The following NTF3 variants were observed in gnomAD, a reference collection of about 807,000 sequenced individuals.
NTF3 encodes neurotrophin 3, also known as neurotrophin-3.
NTF3 carries 8 observed loss-of-function variants against 26.3 expected under a neutral mutation model. That is an observed-to-expected ratio of 0.30 (90% CI 0.18 to 0.55). The LOEUF is 0.55. Ranked by LOEUF, NTF3 falls within the 20% of genes least tolerant of loss-of-function variation. The pLI is 0.93. For missense variants in NTF3, 276 were observed against 352.9 expected, an observed-to-expected ratio of 0.78 and a Z score of 1.75; for synonymous variants, 154 against 145.5, an observed-to-expected ratio of 1.06 and a Z score of -0.42.
In NTF3 at chr12:5,494,081, G is replaced by T. The variant is rs1940971053; in HGVS notation, c.19-113G>T. 1.1e-6 allele frequency: 1 copy of T among 939,050 alleles called. No individual in the cohort carries two copies. Among genetic ancestry groups the T allele is most frequent in the Non-Finnish European group, 1.6e-6 (1 of 625,704 alleles). The allele number at this position is 939,050 out of a possible 1,614,324, so 58.2% of individuals were successfully genotyped here. A position where few individuals can be genotyped will look rare whatever the true frequency, so the allele number is the denominator to read the frequency against. On this transcript the variant is annotated intron_variant, in intron 1 of 1. Transcript: ENST00000423158. The surrounding 1 kb of genome is among the most constrained non-coding windows in gnomAD (Gnocchi z 8.3). ...GGGAGTTGCCTTGCTTACCTGGGGG[G>T]CGGTACCCTCTCTCGTGCCCTCACA...
chr12:5,474,278 C>T (rs1195471458), intron 1 of NTF3, among the ~76,000 whole-genome samples: 1 of 152,186 alleles, frequency 6.6e-6, no homozygotes, highest in Admixed American at 6.5e-5. Flanking sequence ...TTAAGTGGAG[C>T]AGACAGGCAA....
intron 1 of NTF3, among the ~76,000 whole-genome samples, chr12:5,457,046 A>G (rs556981089): frequency 7.2e-5 from 11 of 152,342 alleles, no homozygotes; most frequent in Non-Finnish European, 1.3e-4. Flanking sequence ...GAGGAAGAAC[A>G]TAACATCTCG....
At chr12:5,478,441 T>A (rs903712652) in intron 1 of NTF3, among the ~76,000 whole-genome samples, 1 of 151,780 alleles carries the variant, frequency 6.6e-6, no homozygotes, top group Non-Finnish European at 1.5e-5. Context: ...AAAAAGAATG[T>A]CCAGACCCTT....
chr12:5,467,038 T>A (rs1281611224), intron 1 of NTF3, among the ~76,000 whole-genome samples: 1 of 151,950 alleles, frequency 6.6e-6, no homozygotes, highest in Non-Finnish European at 1.5e-5. Flanking sequence ...AAGACCAGCC[T>A]GGCCAAGATG....
rs1940100390 is a variant in NTF3 at position 5,432,216 on chromosome 12, TC to T, written c.-105del. The T allele has an allele frequency of 3.2e-6, 4 of 1,246,382 alleles. No individual in the cohort carries two copies. The highest frequency in any genetic ancestry group is 4.7e-6 in the Non-Finnish European group (4 of 848,014). The allele number at this position is 1,246,382 out of a possible 1,614,324, so 77.2% of individuals were successfully genotyped here. On this transcript the variant is annotated 5_prime_UTR_variant, in exon 1 of 2. Coordinates refer to ENST00000423158, the MANE Select transcript of NTF3 (RefSeq NM_001102654.2). ...CTCCTTTCTTTCTTCCTCTCCTTTT[TC>T]CCCTGCTGGGTAGTGGCTGCGGCGG...
At position 5,449,387 on chromosome 12, in the gene NTF3, CT is replaced by C. The variant is rs1309930117; in HGVS notation, c.18+17048del. On this transcript the variant is annotated intron_variant, in intron 1 of 1. Coordinates refer to ENST00000423158, the MANE Select transcript of NTF3 (RefSeq NM_001102654.2). Reference sequence around the variant, plus strand: ...CCTTTTTCTCTGCTTTCAGTTTGTTCTTTGAACTTTTTGGAAACTTCCCCTG... The same window carrying C: ...CCTTTTTCTCTGCTTTCAGTTTGTTCTTGAACTTTTTGGAAACTTCCCCTG... Among the ~76,000 whole-genome samples the C allele has an allele frequency of 4.6e-5, 7 of 152,166 alleles. 1 individual carries two copies. The highest frequency in any genetic ancestry group is 4.6e-4 in the Admixed American group (7 of 15,280).
At chr12:5,432,369 G>A in intron 1 of NTF3, 27 bp downstream of exon 1, 1 of 1,609,314 alleles carries the variant, frequency 6.2e-7, no homozygotes, top group Non-Finnish European at 8.5e-7. Flanking sequence ...GGCACCTTGG[G>A]TGGGCAGGTT....
At chr12:5,442,747 CAT>C (rs1940254626) in intron 1 of NTF3, among the ~76,000 whole-genome samples, 1 of 152,172 alleles carries the variant, frequency 6.6e-6, no homozygotes, top group Non-Finnish European at 1.5e-5. Flanking sequence ...CTTCAAAAAA[CAT>C]AGCACATCTG....
intron 1 of NTF3, among the ~76,000 whole-genome samples, chr12:5,476,949 G>A (rs1487874842): frequency 1.3e-5 from 2 of 152,038 alleles, no homozygotes; most frequent in Admixed American, 1.3e-4. Context: ...TAATACCTGT[G>A]GGAGCTGATA....
At chr12:5,447,411 T>A (rs1005862195) in intron 1 of NTF3, among the ~76,000 whole-genome samples, 1 of 152,246 alleles carries the variant, frequency 6.6e-6, no homozygotes, top group African/African-American at 2.4e-5. Flanking sequence ...TGTGGGATTA[T>A]GCACATTTAA....
chr12:5,430,708 T>A (rs559709485), upstream of NTF3, among the ~76,000 whole-genome samples: 2 of 151,878 alleles, frequency 1.3e-5, no homozygotes, highest in East Asian at 2.0e-4. Flanking sequence ...GGTATTTGGA[T>A]TTTTTGAACC....
Position 5,494,378 on chromosome 12 carries a change from T to G in NTF3, c.203T>G (p.Val68Gly), listed in dbSNP as rs1203633400. 1.2e-6 allele frequency: 2 copies of G among 1,613,702 alleles called. No homozygotes were observed. The highest frequency in any genetic ancestry group is 1.7e-5 in the Admixed American group (1 of 60,004). Residue 68 changes from valine to glycine, a missense_variant, in exon 2 of 2, where the codon GTT (valine) becomes GGT (glycine). Coordinates refer to ENST00000423158, the MANE Select transcript of NTF3 (RefSeq NM_001102654.2). The surrounding 1 kb of genome is among the most constrained non-coding windows in gnomAD (Gnocchi z 8.3). ...KNKLSKQMVD[V>G]KENYQSTLPK... Reference sequence around the variant, plus strand: ...AAGCTCTCCAAGCAGATGGTGGACGTTAAGGAAAATTACCAGAGCACCCTG... The same window carrying G: ...AAGCTCTCCAAGCAGATGGTGGACGGTAAGGAAAATTACCAGAGCACCCTG...
chr12:5,487,845 C>T (rs1224420847), intron 1 of NTF3, among the ~76,000 whole-genome samples: 1 of 152,182 alleles, frequency 6.6e-6, no homozygotes, highest in Non-Finnish European at 1.5e-5. Context: ...CACCAAATAC[C>T]AACAGAGAGA....
chr12:5,464,499 A>G (rs1292334983), intron 1 of NTF3, among the ~76,000 whole-genome samples: 1 of 152,236 alleles, frequency 6.6e-6, no homozygotes, highest in Non-Finnish European at 1.5e-5. Context: ...TCAATCAAAA[A>G]TGTACTTTTG....
chr12:5,458,516 A>G (rs1258226316), intron 1 of NTF3, among the ~76,000 whole-genome samples: 2 of 152,208 alleles, frequency 1.3e-5, no homozygotes, highest in African/African-American at 4.8e-5. Context: ...CTGGCTTATA[A>G]TAAGCAGCCA....
chr12:5,477,296 T>C (rs1178466687), intron 1 of NTF3, among the ~76,000 whole-genome samples: 2 of 152,200 alleles, frequency 1.3e-5, no homozygotes, highest in Admixed American at 6.5e-5. Flanking sequence ...TCCTTATTTA[T>C]GAAGTGGAAT....
At chr12:5,448,096 T>C (rs1940327891) in intron 1 of NTF3, among the ~76,000 whole-genome samples, 1 of 152,224 alleles carries the variant, frequency 6.6e-6, no homozygotes, top group Non-Finnish European at 1.5e-5. Flanking sequence ...CACTTGCACC[T>C]GTATCTGTGA....
At position 5,495,272 on chromosome 12, in the gene NTF3, T is replaced by A. The variant is rs1186659440; in HGVS notation, c.*284T>A. ...CATTCAGTATTGTCAAGGCCATGAC[T>A]GTTGTTTTAGTAAACTTGTTAAAAT... is the stretch of plus-strand genomic sequence containing the variant. On this transcript the variant is annotated 3_prime_UTR_variant, in exon 2 of 2. Transcript: ENST00000423158. The A allele has an allele frequency of 2.7e-6, 1 of 374,178 alleles. No individual in the cohort carries two copies. Among genetic ancestry groups the A allele is most frequent in the African/African-American group, 2.1e-5 (1 of 48,080 alleles). 23.2% of individuals were successfully genotyped at this position (374,178 alleles called of 1,614,324 possible).
intron 1 of NTF3, among the ~76,000 whole-genome samples, chr12:5,484,091 C>G (rs1170479253): frequency 6.6e-6 from 1 of 152,158 alleles, no homozygotes; most frequent in Non-Finnish European, 1.5e-5. Flanking sequence ...GGCAGGCTTC[C>G]CTCCATGTGT....
Sources: gnomAD v4.1 joint callset for allele counts (sites outside exome capture counted in the v4.1 genomes callset) on GRCh38, gnomAD v4.1.1 for gene constraint, Gnocchi (gnomAD v3.1) non-coding constraint, MANE v1.5 for transcripts, NCBI Gene and HGNC (gene_info 2026-07-23, HGNC 2026-07-21) for gene names.